CBFA2T3: variants seen among roughly 807,000 people sequenced by gnomAD.
CBFA2T3 encodes CBFA2/RUNX1 partner transcriptional co-repressor 3.
CBFA2T3 carries 31 observed loss-of-function variants against 58.6 expected under a neutral mutation model. The ratio of observed to expected loss-of-function variants is 0.53; its 90% CI spans 0.40 to 0.71. The LOEUF (loss-of-function observed/expected upper bound fraction) is 0.71. Ranked by LOEUF, CBFA2T3 falls within the 30% of genes least tolerant of loss-of-function variation. The pLI, the probability that CBFA2T3 is intolerant of heterozygous loss-of-function variation, is 0.00. For synonymous variants in CBFA2T3, 531 were observed against 421.9 expected (o/e 1.26, Z -3.17); for missense variants, 1,076 against 963.1 (o/e 1.12, Z -1.55).
intron 1 of CBFA2T3, chr16:88,938,899 G>C: frequency 6.6e-6 from 1 of 152,166 alleles, no homozygotes; most frequent in East Asian, 1.9e-4. Flanking sequence ...GGCCAGCGGA[G>C]AGCCCCAAGA....
At chr16:88,935,986 C>G (rs945370146) in intron 1 of CBFA2T3, among the ~76,000 whole-genome samples, 1 of 152,184 alleles carries the variant, frequency 6.6e-6, no homozygotes, top group Non-Finnish European at 1.5e-5. Context: ...GCCCATCCCC[C>G]TCCCCGCTGC....
chr16:88,974,263 C>G (rs1337277823), intron 1 of CBFA2T3, among the ~76,000 whole-genome samples: 1 of 152,200 alleles, frequency 6.6e-6, no homozygotes, highest in Non-Finnish European at 1.5e-5. Flanking sequence ...CGAGCACACA[C>G]AGCGGGCGCC....
intron 1 of CBFA2T3, among the ~76,000 whole-genome samples, chr16:88,964,469 T>C (rs1972445966): frequency 6.6e-6 from 1 of 152,148 alleles, no homozygotes; most frequent in African/African-American, 2.4e-5. Context: ...TGCAAGCTAC[T>C]TGTTGTTCTG....
In CBFA2T3 at chr16:88,952,228, G is replaced by A. The variant is rs552003856; in HGVS notation, c.151+24429C>T. Among the ~76,000 whole-genome samples, 12 of 152,306 alleles carry A rather than the reference G, an allele frequency of 7.9e-5. No homozygotes were observed. In the South Asian group the frequency reaches 2.1e-3, roughly 26 times the overall value. ...ACAATCTCCAAACCGCATGCATCCC[G>A]GCACTGACAAAGCCGTCTATCATTG... is the stretch of plus-strand genomic sequence containing the variant. On this transcript the variant is annotated intron_variant, in intron 1 of 11. Transcript: ENST00000268679.
In CBFA2T3 at chr16:88,977,001, G is replaced by A. The variant is rs1046169390; in HGVS notation, c.-194C>T. ...CTGGGTGTCCTCTGCCCTGGGGAGG[G>A]GGTGGGAGCCCTGGGGCTCATGTGA... is the stretch of plus-strand genomic sequence containing the variant. On this transcript the variant is annotated 5_prime_UTR_variant, in exon 1 of 12. Coordinates refer to ENST00000268679, the MANE Select transcript of CBFA2T3 (RefSeq NM_005187.6). 1.8e-6 allele frequency: 1 copy of A among 566,764 alleles called. No homozygotes were observed. Among genetic ancestry groups the A allele is most frequent in the Non-Finnish European group, 3.0e-6 (1 of 332,250 alleles). The allele number at this position is 566,764 out of a possible 1,614,324, so 35.1% of individuals were successfully genotyped here.
At chr16:88,891,620 G>A (rs1969634461) in intron 5 of CBFA2T3, among the ~76,000 whole-genome samples, 1 of 152,214 alleles carries the variant, frequency 6.6e-6, no homozygotes, top group Non-Finnish European at 1.5e-5. Context: ...CTGGATTTAA[G>A]GGCTGATAAT....
intron 2 of CBFA2T3, among the ~76,000 whole-genome samples, chr16:88,899,335 G>T (rs927143539): frequency 6.6e-6 from 1 of 152,164 alleles, no homozygotes; most frequent in Non-Finnish European, 1.5e-5. Flanking sequence ...GTGGATTAGG[G>T]GATAAATCTG....
chr16:88,964,329 T>TA (rs67468809), intron 1 of CBFA2T3, among the ~76,000 whole-genome samples: 20,060 of 152,270 alleles, frequency 0.13, 2,757 homozygotes, highest in African/African-American at 0.35. Flanking sequence ...CCCAAAGGTG[T>TA]AAAAAATCAC....
At chr16:88,972,940 T>C (rs891790389) in intron 1 of CBFA2T3, among the ~76,000 whole-genome samples, 2 of 152,118 alleles carry the variant, frequency 1.3e-5, no homozygotes, top group East Asian at 1.9e-4. Context: ...GGGCTGCCTG[T>C]CTGTCTGTCT....
chr16:88,935,740 G>A lies in CBFA2T3; in HGVS notation c.152-34084C>T, dbSNP rs574020817. Among the ~76,000 whole-genome samples the A allele has an allele frequency of 4.6e-5, 7 of 152,326 alleles. 1 individual carries two copies. Among genetic ancestry groups the A allele is most frequent in the South Asian group, 2.1e-4 (1 of 4,824 alleles). On this transcript the variant is annotated intron_variant, in intron 1 of 11. Coordinates refer to ENST00000268679, the MANE Select transcript of CBFA2T3 (RefSeq NM_005187.6). ...CCTGGGTGCAGAGCTGCATCATGCC[G>A]CATCCACCACTGAGCCTCAGGACAC... is the stretch of plus-strand genomic sequence containing the variant.
intron 3 of CBFA2T3, among the ~76,000 whole-genome samples, chr16:88,893,936 T>G (rs1447765200): frequency 6.6e-6 from 1 of 152,094 alleles, no homozygotes; most frequent in African/African-American, 2.4e-5. Context: ...GGCTCCCAAG[T>G]CCCTTGCTGA....
chr16:88,900,868 C>A (rs7205164), intron 2 of CBFA2T3, among the ~76,000 whole-genome samples: 108 of 152,224 alleles, frequency 7.1e-4, no homozygotes, highest in Non-Finnish European at 1.3e-3. Flanking sequence ...CGGCTCTGTG[C>A]GCCAAGCACG....
chr16:88,949,184 A>T (rs74033211), intron 1 of CBFA2T3, among the ~76,000 whole-genome samples: 1 of 152,362 alleles, frequency 6.6e-6, no homozygotes, highest in Non-Finnish European at 1.5e-5. Context: ...CTCTGAAAAA[A>T]TTTTAAGAAG....
intron 1 of CBFA2T3, among the ~76,000 whole-genome samples, chr16:88,947,123 C>CG (rs1313130912): frequency 1.3e-5 from 2 of 152,200 alleles, no homozygotes; most frequent in Non-Finnish European, 2.9e-5. Context: ...ATTGGTTCAT[C>CG]GGTTGTAACG....
rs530916958 is a variant in CBFA2T3 at position 88,886,343 on chromosome 16, G to A, written c.712-201C>T. 6 of 436,118 alleles carry A rather than the reference G, an allele frequency of 1.4e-5. No individual in the cohort carries two copies. The East Asian group carries it at 1.4e-4, about 10-fold the overall frequency. 27.0% of individuals were successfully genotyped at this position (436,118 alleles called of 1,614,324 possible). On this transcript the variant is annotated intron_variant, in intron 5 of 11. Coordinates refer to ENST00000268679, the MANE Select transcript of CBFA2T3 (RefSeq NM_005187.6). ...GGTGGCGTGGGAGGGTGGGCACAGA[G>A]CTTCGCAGGAGTGCCTCACCTGGGC...
intron 11 of CBFA2T3, among the ~76,000 whole-genome samples, chr16:88,877,837 G>A (rs1282139568): frequency 6.6e-6 from 1 of 152,228 alleles, no homozygotes. Flanking sequence ...GGTAGGAGAT[G>A]CCACACAAAG....
chr16:88,897,152 G>T (rs1969918744), intron 3 of CBFA2T3, among the ~76,000 whole-genome samples: 1 of 152,220 alleles, frequency 6.6e-6, no homozygotes. Context: ...CGGGATCTGG[G>T]ATTCACCAAC....
Position 88,894,729 on chromosome 16 carries a change from C to T in CBFA2T3, c.380-2244G>A, listed in dbSNP as rs140797412. Among the ~76,000 whole-genome samples, 667 of 151,654 alleles carry T rather than the reference C, an allele frequency of 4.4e-3. 4 individuals carry two copies. The highest frequency in any genetic ancestry group is 0.024 in the Middle Eastern group (7 of 292). ...CACCCGTGCTGAGAGTGTGGGTCTA[C>T]GGGTGGGGGGCAGCTCAGAGCCACC... On this transcript the variant is annotated intron_variant, in intron 3 of 11. Coordinates refer to ENST00000268679, the MANE Select transcript of CBFA2T3 (RefSeq NM_005187.6).
chr16:88,970,723 G>A (rs1972632461), intron 1 of CBFA2T3, among the ~76,000 whole-genome samples: 2 of 152,218 alleles, frequency 1.3e-5, no homozygotes, highest in African/African-American at 4.8e-5. Context: ...GCCTCGCCTC[G>A]CCTGGAGATG....
Sources: gnomAD v4.1 joint callset for allele counts (sites outside exome capture counted in the v4.1 genomes callset) on GRCh38, gnomAD v4.1.1 for gene constraint, MANE v1.5 for transcripts, NCBI Gene and HGNC (gene_info 2026-07-23, HGNC 2026-07-21) for gene names.